CSMD2: variants seen among roughly 807,000 people sequenced by gnomAD.
CSMD2 encodes CUB and sushi domain-containing protein 2.
Under a neutral mutation model 398.5 loss-of-function variants are expected in CSMD2, and 130 were observed. The observed-to-expected ratio is 0.33, with a 90% CI of 0.28 to 0.38. CSMD2 has a LOEUF of 0.38. CSMD2 is among the 10% of genes least tolerant of loss of function. The pLI, the probability that CSMD2 is intolerant of heterozygous loss-of-function variation, is 1.00. For missense variants in CSMD2, 3,829 were observed against 4,764.9 expected, an observed-to-expected ratio of 0.80 and a Z score of 5.78; for synonymous variants, 1,828 against 1,908.5, an observed-to-expected ratio of 0.96 and a Z score of 1.10.
intron 3 of CSMD2, among the ~76,000 whole-genome samples, chr1:33,978,084 G>T (rs1646033911): frequency 6.6e-6 from 1 of 152,060 alleles, no homozygotes; most frequent in African/African-American, 2.4e-5. Context: ...CAGCAAGGTG[G>T]AGACTTTATT....
Position 33,622,401 on chromosome 1 carries a change from G to A in CSMD2, c.5723-130C>T, listed in dbSNP as rs1641830061. On this transcript the variant is annotated intron_variant, in intron 36 of 70. Transcript: ENST00000373381. ...AAGGCCCCCAGATGTCCCCAGTTATGAAACTCACTAAATGACAAATTAGCA... is the reference window on the plus strand; with the variant it reads ...AAGGCCCCCAGATGTCCCCAGTTATAAAACTCACTAAATGACAAATTAGCA... 3 of 673,208 alleles carry A rather than the reference G, an allele frequency of 4.5e-6. No individual in the cohort carries two copies. The South Asian group carries it at 5.1e-5, about 12-fold the overall frequency. The allele number at this position is 673,208 out of a possible 1,614,324, so 41.7% of individuals were successfully genotyped here. A position where few individuals can be genotyped will look rare whatever the true frequency, so the allele number is the denominator to read the frequency against.
intron 1 of CSMD2, among the ~76,000 whole-genome samples, chr1:34,091,100 A>T (rs886146137): frequency 1.3e-5 from 2 of 152,048 alleles, no homozygotes; most frequent in Non-Finnish European, 2.9e-5. Flanking sequence ...TGACACCGTA[A>T]CTTCTCCTTG....
At chr1:34,123,612 A>G (rs990745545) in intron 1 of CSMD2, among the ~76,000 whole-genome samples, 20 of 151,296 alleles carry the variant, frequency 1.3e-4, no homozygotes, top group Non-Finnish European at 8.8e-5. Flanking sequence ...AGCGGGGGGG[A>G]GTCTCGGGAA....
At chr1:33,856,757 C>A (rs1442232348) in intron 5 of CSMD2, among the ~76,000 whole-genome samples, 3 of 152,052 alleles carry the variant, frequency 2.0e-5, no homozygotes, top group African/African-American at 7.2e-5. Context: ...ACATCTCACA[C>A]ACACTAAGGC....
At chr1:34,111,127 C>T (rs772891710) in intron 1 of CSMD2, among the ~76,000 whole-genome samples, 7 of 152,160 alleles carry the variant, frequency 4.6e-5, no homozygotes, top group East Asian at 1.9e-4. Flanking sequence ...CTCACTGATG[C>T]GTCCCAAGTG....
chr1:33,693,687 C>A (rs1452708778), intron 24 of CSMD2, among the ~76,000 whole-genome samples: 1 of 152,086 alleles, frequency 6.6e-6, no homozygotes, highest in Non-Finnish European at 1.5e-5. Flanking sequence ...TGGAAACAAC[C>A]CAAATGTCTA....
chr1:33,724,452 C>T, intron 18 of CSMD2, 64 bp downstream of exon 18: 1 of 1,573,682 alleles, frequency 6.4e-7, no homozygotes, highest in Non-Finnish European at 8.7e-7. Context: ...GTCTTTTGAG[C>T]ACCTGTGTTT....
intron 25 of CSMD2, among the ~76,000 whole-genome samples, chr1:33,665,034 G>A (rs1206262907): frequency 6.6e-6 from 1 of 152,010 alleles, no homozygotes; most frequent in Non-Finnish European, 1.5e-5. Flanking sequence ...GAATCTCTCT[G>A]GCAGTTTTGA....
intron 3 of CSMD2, among the ~76,000 whole-genome samples, chr1:33,979,378 ACAGAG>A (rs2147948664): frequency 1.1e-5 from 1 of 89,666 alleles, no homozygotes; most frequent in East Asian, 2.2e-4. Flanking sequence ...AATTAATGGG[ACAGAG>A]ATGAAGGAGG....
chr1:34,111,636 A>G (rs1218704128), intron 1 of CSMD2, among the ~76,000 whole-genome samples: 1 of 152,182 alleles, frequency 6.6e-6, no homozygotes, highest in African/African-American at 2.4e-5. Context: ...CCATTTAACA[A>G]ATGGGGATCA....
intron 6 of CSMD2, among the ~76,000 whole-genome samples, chr1:33,833,495 C>T (rs7552605): frequency 0.78 from 110,031 of 141,738 alleles, 43,524 homozygotes; most frequent in East Asian, 0.93. Context: ...ATTGATGGGA[C>T]GTATCTCAAA....
intron 48 of CSMD2, among the ~76,000 whole-genome samples, chr1:33,577,711 C>A (rs1299845064): frequency 6.6e-6 from 1 of 152,240 alleles, no homozygotes; most frequent in South Asian, 2.1e-4. Context: ...ACAAAAAAAA[C>A]CAGCTTCATG....
At chr1:33,763,623 A>G (rs1557857900) in intron 13 of CSMD2, among the ~76,000 whole-genome samples, 1 of 152,172 alleles carries the variant, frequency 6.6e-6, no homozygotes, top group South Asian at 2.1e-4. Flanking sequence ...CCTGATAGGA[A>G]ATGCTGGGAG....
intron 3 of CSMD2, among the ~76,000 whole-genome samples, chr1:34,007,586 T>C (rs549825758): frequency 6.6e-6 from 1 of 152,306 alleles, no homozygotes; most frequent in Non-Finnish European, 1.5e-5. Context: ...GAAATGGCCA[T>C]GCCCTTATAG....
intron 15 of CSMD2, among the ~76,000 whole-genome samples, chr1:33,734,848 T>C (rs1463565978): frequency 1.3e-5 from 2 of 152,076 alleles, no homozygotes; most frequent in African/African-American, 4.8e-5. Flanking sequence ...ATAATTTATC[T>C]TTTTTTGTGT....
chr1:33,623,077 CAG>C (rs1641876433), intron 36 of CSMD2, among the ~76,000 whole-genome samples: 1 of 152,130 alleles, frequency 6.6e-6, no homozygotes, highest in African/African-American at 2.4e-5. Context: ...TAGGCAAATC[CAG>C]AGAGATAGAA....
chr1:33,908,769 T>C (rs1318155475), intron 5 of CSMD2, among the ~76,000 whole-genome samples: 1 of 152,250 alleles, frequency 6.6e-6, no homozygotes, highest in East Asian at 1.9e-4. Flanking sequence ...CCGGACACAT[T>C]TGTGCCAGCA....
intron 6 of CSMD2, among the ~76,000 whole-genome samples, chr1:33,838,184 C>A (rs1374745460): frequency 6.6e-6 from 1 of 152,224 alleles, no homozygotes. Context: ...TGCCCTGCCA[C>A]TTGCCAGTCT....
chr1:33,674,650 T>C (rs1644636007), intron 25 of CSMD2, among the ~76,000 whole-genome samples: 1 of 152,208 alleles, frequency 6.6e-6, no homozygotes, highest in South Asian at 2.1e-4. Context: ...ATCAACAGAA[T>C]ATACATTCTT....
Sources: allele counts gnomAD v4.1 joint callset (sites outside exome capture counted in the v4.1 genomes callset), GRCh38; gene constraint gnomAD v4.1.1; transcripts MANE v1.5; gene names NCBI Gene and HGNC (gene_info 2026-07-23, HGNC 2026-07-21).